LRRC7: variants seen among roughly 807,000 people sequenced by gnomAD.
LRRC7 encodes leucine-rich repeat-containing protein 7.
In LRRC7, 23 loss-of-function variants were observed where a neutral mutation model predicts 175.7. The observed-to-expected ratio is 0.13, with a 90% CI of 0.09 to 0.19. The LOEUF is 0.19. Among genes scored for constraint, LRRC7 ranks in the 10% least tolerant of loss-of-function variants. LRRC7 has a pLI of 1.00. For missense variants in LRRC7, 1,354 were observed against 1,904.7 expected, an observed-to-expected ratio of 0.71 and a Z score of 5.38; for synonymous variants, 685 against 680.9, an observed-to-expected ratio of 1.01 and a Z score of -0.09.
At chr1:69,597,577 T>A (rs1646894172) in intron 1 of LRRC7, among the ~76,000 whole-genome samples, 1 of 152,152 alleles carries the variant, frequency 6.6e-6, no homozygotes, top group Non-Finnish European at 1.5e-5. Context: ...AGATGGAATT[T>A]GAATCCTGGC....
chr1:70,083,290 C>T lies in LRRC7; in HGVS notation c.4453-6437C>T, dbSNP rs188637183. Among the ~76,000 whole-genome samples, 3 of 152,092 alleles carry T rather than the reference C, an allele frequency of 2.0e-5. No individual in the cohort carries two copies. In the East Asian group the frequency reaches 5.8e-4, roughly 29 times the overall value. On this transcript the variant is annotated intron_variant, in intron 24 of 26. Coordinates refer to ENST00000651989, the MANE Select transcript of LRRC7 (RefSeq NM_001370785.2). ...GGCTTATCAGAAATTTTGGAAAATG[C>T]AGAGAAATTTTATGTGTATTTTGTA...
chr1:69,614,018 A>T (rs1320194874), intron 1 of LRRC7, among the ~76,000 whole-genome samples: 1 of 150,080 alleles, frequency 6.7e-6, no homozygotes, highest in Non-Finnish European at 1.5e-5. Context: ...GATAATTATC[A>T]TTCATAAAGT....
At chr1:69,796,579 G>C (rs1428453222) in intron 4 of LRRC7, among the ~76,000 whole-genome samples, 1 of 152,104 alleles carries the variant, frequency 6.6e-6, no homozygotes, top group Admixed American at 6.6e-5. Context: ...GAGGTCGGGA[G>C]TTCGAGACCA....
chr1:69,832,593 G>C (rs1219997659), intron 5 of LRRC7, among the ~76,000 whole-genome samples: 1 of 151,994 alleles, frequency 6.6e-6, no homozygotes, highest in Non-Finnish European at 1.5e-5. Flanking sequence ...TGGCAAAAAT[G>C]AAAAAACTAA....
chr1:69,571,922 G>T (rs78146599), intron 1 of LRRC7, among the ~76,000 whole-genome samples: 295 of 152,152 alleles, frequency 1.9e-3, no homozygotes, highest in African/African-American at 6.7e-3. Context: ...CATATATGCT[G>T]TTGAACACAG....
intron 8 of LRRC7, among the ~76,000 whole-genome samples, chr1:69,951,331 C>G (rs1038160865): frequency 1.3e-5 from 2 of 152,070 alleles, no homozygotes; most frequent in Non-Finnish European, 2.9e-5. Context: ...CACTTATACA[C>G]TGTTGGTGAT....
intron 25 of LRRC7, among the ~76,000 whole-genome samples, chr1:70,106,326 A>C (rs1034730247): frequency 6.6e-6 from 1 of 152,144 alleles, no homozygotes; most frequent in African/African-American, 2.4e-5. Context: ...GCAAATGCTA[A>C]TCTGCTCTCT....
chr1:69,919,401 G>A (rs1646813585), intron 7 of LRRC7: 5 of 687,686 alleles, frequency 7.3e-6, no homozygotes, highest in South Asian at 1.8e-5. Context: ...AAAAGCGCAT[G>A]AGCCGCCCCT....
At chr1:69,786,898 C>A (rs1387149772) in intron 3 of LRRC7, among the ~76,000 whole-genome samples, 1 of 152,138 alleles carries the variant, frequency 6.6e-6, no homozygotes, top group Non-Finnish European at 1.5e-5. Flanking sequence ...CCCCAACAGT[C>A]CCTCAAAGTC....
At chr1:69,775,239 A>G (rs1672682036) in intron 3 of LRRC7, among the ~76,000 whole-genome samples, 1 of 152,174 alleles carries the variant, frequency 6.6e-6, no homozygotes. Context: ...TAAAAATGTA[A>G]TTTCATTAAG....
At chr1:69,942,866 A>C (rs1422342360) in intron 8 of LRRC7, among the ~76,000 whole-genome samples, 1 of 152,150 alleles carries the variant, frequency 6.6e-6, no homozygotes, top group Non-Finnish European at 1.5e-5. Flanking sequence ...TATTCAGTCT[A>C]CTACAAGTTT....
chr1:69,974,316 C>G (rs916665068), intron 8 of LRRC7, among the ~76,000 whole-genome samples: 1 of 151,900 alleles, frequency 6.6e-6, no homozygotes, highest in Non-Finnish European at 1.5e-5. Flanking sequence ...AACATTTTTA[C>G]GTTGATTTTT....
intron 7 of LRRC7, among the ~76,000 whole-genome samples, chr1:69,897,790 C>G (rs929616696): frequency 6.6e-6 from 1 of 152,144 alleles, no homozygotes; most frequent in Non-Finnish European, 1.5e-5. Flanking sequence ...ATTGAACATG[C>G]CATGTCAATC....
At chr1:69,760,095 C>A in intron 2 of LRRC7, 96 bp from the exon 3 acceptor site, 1 of 1,290,214 alleles carries the variant, frequency 7.8e-7, no homozygotes, top group South Asian at 1.4e-5. Context: ...AGACTGTATA[C>A]CAAAATTAAA....
intron 1 of LRRC7, among the ~76,000 whole-genome samples, chr1:69,576,240 G>A (rs1239907140): frequency 2.5e-5 from 3 of 121,454 alleles, no homozygotes; most frequent in Non-Finnish European, 5.5e-5. Flanking sequence ...AAAAAAAAAA[G>A]TTACTTTGGA....
rs66494414 is a variant in LRRC7, at chr1:70,136,041, ATCTC to A, written c.*14164_*14167del. Among the ~76,000 whole-genome samples, 1 of 140,010 alleles carries A rather than the reference ATCTC, an allele frequency of 7.1e-6. No individual in the cohort carries two copies. The highest frequency in any genetic ancestry group is 2.7e-5 in the African/African-American group (1 of 36,558). The allele number at this position is 140,010 out of a possible 152,430, so 91.9% of individuals were successfully genotyped here. A position where few individuals can be genotyped will look rare whatever the true frequency, so the allele number is the denominator to read the frequency against. The stretch of plus-strand genomic sequence containing the variant: ...GAGAAATTCAAACTTGGGAATTAAT[ATCTC>A]TCTCTCTCTGTGTGTGTCTGTGTGT... On this transcript the variant is annotated 3_prime_UTR_variant, in exon 27 of 27. Coordinates refer to ENST00000651989, the MANE Select transcript of LRRC7 (RefSeq NM_001370785.2).
At chr1:69,764,037 T>C in intron 3 of LRRC7, among the ~76,000 whole-genome samples, 1 of 151,630 alleles carries the variant, frequency 6.6e-6, no homozygotes, top group Admixed American at 6.6e-5. Flanking sequence ...AGGGAAGATA[T>C]ATCAAGAGTG....
chr1:69,706,842 G>A (rs1481474537), intron 2 of LRRC7, among the ~76,000 whole-genome samples: 1 of 152,096 alleles, frequency 6.6e-6, no homozygotes, highest in Admixed American at 6.6e-5. Context: ...CACTACCTAT[G>A]TCATAGAGAT....
At position 69,825,846 on chromosome 1, in the gene LRRC7, T is replaced by C; in HGVS notation, c.500+20T>C. The C allele has an allele frequency of 6.8e-7, 1 of 1,463,956 alleles. No individual in the cohort carries two copies. Among genetic ancestry groups the C allele is most frequent in the South Asian group, 1.2e-5 (1 of 80,562 alleles). 90.7% of individuals were successfully genotyped at this position (1,463,956 alleles called of 1,614,324 possible). A position where few individuals can be genotyped will look rare whatever the true frequency, so the allele number is the denominator to read the frequency against. Reference sequence around the variant, plus strand: ...TTCTAAGTGAGTATGAGTGATTAAATTTTATTTGTATTTATATTTCCATTG... The same window carrying C: ...TTCTAAGTGAGTATGAGTGATTAAACTTTATTTGTATTTATATTTCCATTG... On this transcript the variant is annotated intron_variant, in intron 5 of 26. Transcript: ENST00000651989.
Sources: allele counts gnomAD v4.1 joint callset (sites outside exome capture counted in the v4.1 genomes callset), GRCh38; gene constraint gnomAD v4.1.1; transcripts MANE v1.5; gene names NCBI Gene and HGNC (gene_info 2026-07-23, HGNC 2026-07-21).